Variants in SEPTIN2 observed in about 807,000 individuals in gnomAD.
SEPTIN2 encodes the protein septin 2, also known as septin-2.
SEPTIN2 carries 34 observed loss-of-function variants against 46.5 expected under a neutral mutation model. That is an observed-to-expected ratio of 0.73 (90% confidence interval 0.56 to 0.97). The LOEUF is 0.97. Ranked by LOEUF, SEPTIN2 falls within the 50% of genes least tolerant of loss-of-function variation. The pLI is 0.00. For synonymous variants in SEPTIN2, 175 were observed against 153.4 expected, an observed-to-expected ratio of 1.14 and a Z score of -1.04; for missense variants, 347 against 448.4, an observed-to-expected ratio of 0.77 and a Z score of 2.04.
In SEPTIN2 at chr2:241,353,703, A is replaced by G. The variant is rs2060937252; in HGVS notation, c.*1766A>G. 4 of 152,974 alleles carry G rather than the reference A, an allele frequency of 2.6e-5. No homozygotes were observed. The highest frequency in any genetic ancestry group is 6.5e-5 in the Admixed American group (1 of 15,280). 9.5% of individuals were successfully genotyped at this position (152,974 alleles called of 1,614,324 possible). A position where few individuals can be genotyped will look rare whatever the true frequency, so the allele number is the denominator to read the frequency against. ...GTCCATTATTTGAGTTTGACATTTA[A>G]TAACTTTGCTGGAAAATCTGTAAAA... On this transcript the variant is annotated 3_prime_UTR_variant, in exon 13 of 13. Transcript: ENST00000391971.
At chr2:241,338,672 A>G in intron 7 of SEPTIN2, among the ~76,000 whole-genome samples, 1 of 126,180 alleles carries the variant, frequency 7.9e-6, no homozygotes, top group Admixed American at 1.0e-4. Context: ...TATCTATATT[A>G]TTTATATTAC....
chr2:241,345,598 T>TA (rs1003390757), intron 9 of SEPTIN2, among the ~76,000 whole-genome samples: 11 of 152,170 alleles, frequency 7.2e-5, no homozygotes, highest in Non-Finnish European at 1.0e-4. Context: ...GCTAGGCAAT[T>TA]AAAAAAAATT....
At chr2:241,316,722 C>A (rs2076347588) in intron 1 of SEPTIN2, 2 of 467,822 alleles carry the variant, frequency 4.3e-6, no homozygotes, top group Admixed American at 8.4e-5. Context: ...CGGTCTAATT[C>A]TTGTCAGTGC....
chr2:241,350,193 A>G lies in SEPTIN2; in HGVS notation c.*19A>G, dbSNP rs1319592947. ...CGTGTAAGGTGATGTGCACATATCA[A>G]GAAGTCAGAGGTAGGCCCTGTTGTC... is the stretch of plus-strand genomic sequence containing the variant. On this transcript the variant is annotated 3_prime_UTR_variant, in exon 12 of 13. Coordinates refer to ENST00000391971, the MANE Select transcript of SEPTIN2 (RefSeq NM_004404.5). 25 of 1,589,962 alleles carry G rather than the reference A, an allele frequency of 1.6e-5. No individual in the cohort carries two copies. The highest frequency in any genetic ancestry group is 2.1e-5 in the Non-Finnish European group (25 of 1,166,908).
intron 1 of SEPTIN2, 188 bp from the exon 2 acceptor site, chr2:241,324,028 G>A: frequency 1.8e-6 from 1 of 560,202 alleles, no homozygotes; most frequent in Non-Finnish European, 3.2e-6. Flanking sequence ...ACACGAGCCA[G>A]CTGTCAGTGC....
chr2:241,348,075 G>T, intron 10 of SEPTIN2, 59 bp from the exon 11 acceptor site: 1 of 1,340,718 alleles, frequency 7.5e-7, no homozygotes, highest in Non-Finnish European at 1.0e-6. Flanking sequence ...AATTTTTTGG[G>T]GGGGTAGCAA....
At chr2:241,329,236 C>T (rs890248684) in intron 3 of SEPTIN2, among the ~76,000 whole-genome samples, 1 of 151,804 alleles carries the variant, frequency 6.6e-6, no homozygotes, top group Non-Finnish European at 1.5e-5. Context: ...CGCCATTCTC[C>T]CACCTCAGCC....
intron 3 of SEPTIN2, among the ~76,000 whole-genome samples, chr2:241,334,767 G>A (rs1291801406): frequency 2.0e-5 from 3 of 152,180 alleles, no homozygotes; most frequent in African/African-American, 7.2e-5. Flanking sequence ...TAGCAGAACT[G>A]ATAATTGAAA....
At position 241,347,082 on chromosome 2, in the gene SEPTIN2, T is replaced by G. The variant is rs150140752; in HGVS notation, c.926+833T>G. Among the ~76,000 whole-genome samples, 30 of 152,266 alleles carry G rather than the reference T, an allele frequency of 2.0e-4. No homozygotes were observed. The East Asian group carries it at 5.6e-3, about 28-fold the overall frequency. On this transcript the variant is annotated intron_variant, in intron 10 of 12. Transcript: ENST00000391971. ...CCGGCCCTGGCAACATAGGGAGACC[T>G]CGCCTCTATAAAAATTTTTTTTAAA...
intron 3 of SEPTIN2, among the ~76,000 whole-genome samples, chr2:241,327,204 A>T (rs1002122967): frequency 2.0e-5 from 3 of 152,172 alleles, no homozygotes; most frequent in African/African-American, 7.2e-5. Flanking sequence ...TCCAGAAATG[A>T]TAGAAATGGA....
intron 10 of SEPTIN2, among the ~76,000 whole-genome samples, chr2:241,347,857 CA>C (rs1039583594): frequency 5.9e-5 from 9 of 151,426 alleles, no homozygotes; most frequent in Non-Finnish European, 1.3e-4. Flanking sequence ...CTACTAAACA[CA>C]AAAAAAATTA....
intron 1 of SEPTIN2, chr2:241,316,255 C>G: frequency 5.4e-6 from 2 of 371,724 alleles, no homozygotes; most frequent in Admixed American, 4.8e-5. Context: ...CTTGTTGACC[C>G]TGCGGGAATT....
At chr2:241,316,335 G>A in intron 1 of SEPTIN2, 1 of 473,968 alleles carries the variant, frequency 2.1e-6, no homozygotes, top group Non-Finnish European at 3.6e-6. Context: ...TTTGGTGCTT[G>A]GAGGGAGGAT....
chr2:241,346,011 A>G (rs1336011333), intron 9 of SEPTIN2, among the ~76,000 whole-genome samples, 155 bp from the exon 10 acceptor site: 3 of 152,222 alleles, frequency 2.0e-5, no homozygotes, highest in Non-Finnish European at 1.5e-5. Flanking sequence ...TTCCACGGCC[A>G]TACTCATTAT....
At chr2:241,321,561 TTTG>T (rs1477681518) in intron 1 of SEPTIN2, among the ~76,000 whole-genome samples, 1 of 152,090 alleles carries the variant, frequency 6.6e-6, no homozygotes, top group African/African-American at 2.4e-5. Context: ...AGCTGGACGG[TTTG>T]TTGTTTTTGT....
At chr2:241,343,438 G>T (rs1398029705) in intron 8 of SEPTIN2, among the ~76,000 whole-genome samples, 3 of 151,962 alleles carry the variant, frequency 2.0e-5, no homozygotes, top group South Asian at 4.1e-4. Context: ...GGCAGAGGTT[G>T]CAGTGAGCCG....
chr2:241,324,180 G>C (rs1466825482), intron 1 of SEPTIN2, 36 bp from the exon 2 acceptor site: 5 of 1,602,646 alleles, frequency 3.1e-6, no homozygotes, highest in Non-Finnish European at 4.3e-6. Context: ...CTATGTATGT[G>C]CGTTTATGTG....
intron 1 of SEPTIN2, chr2:241,317,511 G>T: frequency 1.0e-6 from 1 of 983,636 alleles, no homozygotes; most frequent in Non-Finnish European, 1.2e-6. Flanking sequence ...TACAGAAACT[G>T]CTGTAAAAGA....
chr2:241,348,067 T>G, intron 10 of SEPTIN2, 67 bp from the exon 11 acceptor site: 1 of 1,260,424 alleles, frequency 7.9e-7, no homozygotes, highest in Non-Finnish European at 1.1e-6. Flanking sequence ...TAAAGTAGAA[T>G]TTTTTGGGGG....
Sources: gnomAD v4.1 joint callset for allele counts (sites outside exome capture counted in the v4.1 genomes callset) on GRCh38, gnomAD v4.1.1 for gene constraint, MANE v1.5 for transcripts, NCBI Gene and HGNC (gene_info 2026-07-23, HGNC 2026-07-21) for gene names.